LRPAP1: variants seen among roughly 807,000 people sequenced by gnomAD.
LRPAP1 encodes the protein LDL receptor related protein associated protein 1.
LRPAP1 carries 41 observed loss-of-function variants against 39.9 expected under a neutral mutation model. That is an observed-to-expected ratio of 1.03 (90% CI 0.80 to 1.33). The LOEUF (loss-of-function observed/expected upper bound fraction) is 1.33. Ranked by LOEUF, LRPAP1 falls within the 40% of genes most tolerant of loss-of-function variation. The pLI is 0.00. For synonymous variants in LRPAP1, 263 were observed against 212.7 expected (o/e 1.24, Z -2.06); for missense variants, 565 against 482.3 (o/e 1.17, Z -1.61).
chr4:3,520,407 T>G (rs1056369999), intron 2 of LRPAP1, among the ~76,000 whole-genome samples: 2 of 152,110 alleles, frequency 1.3e-5, no homozygotes, highest in African/African-American at 4.8e-5. Context: ...TAGGAACGGG[T>G]CTGGCGACTC....
At chr4:3,516,050 C>T (rs1475031762) in intron 6 of LRPAP1, 66 bp downstream of exon 6, 2 of 1,467,834 alleles carry the variant, frequency 1.4e-6, no homozygotes, top group Non-Finnish European at 9.3e-7. Flanking sequence ...CATTTCCTTA[C>T]CCGGAAACTG....
chr4:3,507,800 A>C lies in LRPAP1; in HGVS notation c.*5174T>G, dbSNP rs1429462215. 6.6e-6 allele frequency: 1 copy of C among 152,242 alleles called. No homozygotes were observed. Among genetic ancestry groups the C allele is most frequent in the African/African-American group, 2.4e-5 (1 of 41,454 alleles). The allele number at this position is 152,242 out of a possible 1,614,324, so 9.4% of individuals were successfully genotyped here. A position where few individuals can be genotyped will look rare whatever the true frequency, so the allele number is the denominator to read the frequency against. On this transcript the variant is annotated 3_prime_UTR_variant, in exon 8 of 8. Coordinates refer to ENST00000650182, the MANE Select transcript of LRPAP1 (RefSeq NM_002337.4). ...CCCAAAAGTAGGTTTCTTTGGGGAA[A>C]ATATCTGTAAAAATGATAAACTCTT... is the stretch of plus-strand genomic sequence containing the variant.
Position 3,511,244 on chromosome 4 carries a change from A to G in LRPAP1, c.*1730T>C, listed in dbSNP as rs905943644. On this transcript the variant is annotated 3_prime_UTR_variant, in exon 8 of 8. Coordinates refer to ENST00000650182, the MANE Select transcript of LRPAP1 (RefSeq NM_002337.4). ...GCTCCTAGAGTTGGCCCCCACCCCC[A>G]CCCCCACACGAGTGTTCACCACAGC... The G allele has an allele frequency of 2.3e-5, 2 of 86,114 alleles. No homozygotes were observed. The highest frequency in any genetic ancestry group is 8.8e-5 in the African/African-American group (2 of 22,832). 5.3% of individuals were successfully genotyped at this position (86,114 alleles called of 1,614,324 possible).
chr4:3,528,411 AC>A (rs66518075), intron 1 of LRPAP1, among the ~76,000 whole-genome samples: 18,092 of 151,950 alleles, frequency 0.12, 1,180 homozygotes, highest in Non-Finnish European at 0.14. Flanking sequence ...ACACAGCACC[AC>A]CCGCGTGCCA....
At chr4:3,518,004 G>A (rs202128538) in intron 5 of LRPAP1, 30 bp downstream of exon 5, 23 of 1,567,060 alleles carry the variant, frequency 1.5e-5, no homozygotes, top group Non-Finnish European at 1.9e-5. Context: ...CCCCACCCTC[G>A]GGAACCAACA....
At chr4:3,518,331 T>G (rs1463023603) in intron 4 of LRPAP1, 139 bp from the exon 5 acceptor site, 3 of 920,870 alleles carry the variant, frequency 3.3e-6, no homozygotes, top group Non-Finnish European at 1.6e-6. Flanking sequence ...TCCGCGGTCC[T>G]GCAGCGCCGC....
At position 3,512,832 on chromosome 4, in the gene LRPAP1, C is replaced by T. The variant is rs1187049449; in HGVS notation, c.*142G>A. ...GTGTCGCGACGGCAGCGGCTGCAGT[C>T]ACCAGAAACAATCCTTCCTGCCTCG... On this transcript the variant is annotated 3_prime_UTR_variant, in exon 8 of 8. Transcript: ENST00000650182. 10 of 673,632 alleles carry T rather than the reference C, an allele frequency of 1.5e-5. No homozygotes were observed. In the South Asian group the frequency reaches 1.7e-4, roughly 12 times the overall value. The allele number at this position is 673,632 out of a possible 1,614,324, so 41.7% of individuals were successfully genotyped here.
intron 7 of LRPAP1, among the ~76,000 whole-genome samples, chr4:3,513,963 G>A (rs923387506): frequency 4.6e-5 from 7 of 152,252 alleles, no homozygotes; most frequent in South Asian, 4.1e-4. Context: ...AGTGCCACAC[G>A]GCTTTCTTAA....
chr4:3,531,952 C>T, intron 1 of LRPAP1: 2 of 551,626 alleles, frequency 3.6e-6, no homozygotes, highest in Non-Finnish European at 6.4e-6. Flanking sequence ...CTGGGGAGGG[C>T]GACACTGACC....
intron 1 of LRPAP1, among the ~76,000 whole-genome samples, chr4:3,529,790 G>A (rs865791581): frequency 2.6e-5 from 4 of 152,334 alleles, no homozygotes; most frequent in Admixed American, 6.5e-5. Flanking sequence ...AAGGTTTCCT[G>A]AAACGCTCCC....
chr4:3,521,773 G>T (rs1022185057), intron 2 of LRPAP1, among the ~76,000 whole-genome samples: 1 of 152,218 alleles, frequency 6.6e-6, no homozygotes, highest in South Asian at 2.1e-4. Context: ...CACGGGTCCC[G>T]TAGATGCATG....
At chr4:3,514,671 G>A in intron 7 of LRPAP1, 81 bp downstream of exon 7, 1 of 1,491,712 alleles carries the variant, frequency 6.7e-7, no homozygotes, top group Non-Finnish European at 9.0e-7. Context: ...CCATCTACAG[G>A]AAGCCCTGAG....
In LRPAP1 at chr4:3,524,891, A is replaced by G. The variant is rs1267698043; in HGVS notation, c.349+16T>C. On this transcript the variant is annotated intron_variant, in intron 2 of 7. Coordinates refer to ENST00000650182, the MANE Select transcript of LRPAP1 (RefSeq NM_002337.4). The stretch of plus-strand genomic sequence containing the variant: ...AGAGGGATACTCGACCTGCATTAGG[A>G]AAGAAACAAACGTACCATTGAGGTT... 8.1e-6 allele frequency: 13 copies of G among 1,612,322 alleles called. No homozygotes were observed. In the East Asian group the frequency reaches 2.7e-4, roughly 33 times the overall value.
At position 3,505,453 on chromosome 4, in the gene LRPAP1, A is replaced by G. The variant is rs73793965; in HGVS notation, c.*7521T>C. Among the ~76,000 whole-genome samples the G allele has an allele frequency of 9.0e-3, 1,366 of 152,146 alleles. 22 individuals carry two copies. The highest frequency in any genetic ancestry group is 0.031 in the African/African-American group (1,288 of 41,516). On this transcript the variant is annotated 3_prime_UTR_variant, in exon 8 of 8. Coordinates refer to ENST00000650182, the MANE Select transcript of LRPAP1 (RefSeq NM_002337.4). ...AAGGTGTACTTCCTTGTCAAGCATG[A>G]CTCCGAGCGGCACTTCTTCCACACC... is the stretch of plus-strand genomic sequence containing the variant.
At chr4:3,523,232 G>A (rs940297293) in intron 2 of LRPAP1, among the ~76,000 whole-genome samples, 8 of 152,158 alleles carry the variant, frequency 5.3e-5, no homozygotes, top group African/African-American at 1.9e-4. Context: ...CCCGAATGCT[G>A]CCCTGCTGCA....
chr4:3,524,878 G>T, intron 2 of LRPAP1, 29 bp downstream of exon 2: 1 of 1,608,532 alleles, frequency 6.2e-7, no homozygotes, highest in South Asian at 1.1e-5. Flanking sequence ...AGGGATACTC[G>T]ACCTGCATTA....
intron 5 of LRPAP1, 46 bp from the exon 6 acceptor site, chr4:3,516,244 C>T: frequency 4.1e-6 from 6 of 1,469,084 alleles, no homozygotes. Flanking sequence ...CCGGGGTGCA[C>T]ACCACAGCCA....
At position 3,532,326 on chromosome 4, in the gene LRPAP1, CGCAGCGGGCCAGGGCCCGAGGAAGA is replaced by C. The variant is rs1730282098; in HGVS notation, c.62_86del (p.Leu21ArgfsTer31). The stretch of plus-strand genomic sequence containing the variant: ...CCCGCGAGTACTTGCCGCCGTGGCT[CGCAGCGGGCCAGGGCCCGAGGAAGA>C]GCAGCAGCAGTAGCAGCGCCGGGAG... On this transcript the variant is annotated frameshift_variant, in exon 1 of 8. Transcript: ENST00000650182. LOFTEE classifies it high-confidence loss of function. The C allele has an allele frequency of 6.3e-7, 1 of 1,585,754 alleles. No homozygotes were observed. Among genetic ancestry groups the C allele is most frequent in the Non-Finnish European group, 8.6e-7 (1 of 1,166,126 alleles).
chr4:3,504,672 C>A lies in LRPAP1; in HGVS notation c.*8302G>T, dbSNP rs906197116. Among the ~76,000 whole-genome samples, 53 of 147,404 alleles carry A rather than the reference C, an allele frequency of 3.6e-4. No homozygotes were observed. Among genetic ancestry groups the A allele is most frequent in the African/African-American group, 1.3e-3 (53 of 40,138 alleles). On this transcript the variant is annotated 3_prime_UTR_variant, in exon 8 of 8. Transcript: ENST00000650182. Reference sequence around the variant, plus strand: ...GGCTGAGGCAGGAGAATTTCTTGAACCCAGGAGGTGGAGGTTGCAGTGAGC... The same window carrying A: ...GGCTGAGGCAGGAGAATTTCTTGAAACCAGGAGGTGGAGGTTGCAGTGAGC...
Sources: gnomAD v4.1 joint callset for allele counts (sites outside exome capture counted in the v4.1 genomes callset) on GRCh38, gnomAD v4.1.1 for gene constraint, MANE v1.5 for transcripts, NCBI Gene and HGNC (gene_info 2026-07-23, HGNC 2026-07-21) for gene names.